The following CLEC20A variants were observed in gnomAD, a reference collection of about 807,000 sequenced individuals.
CLEC20A encodes C-type lectin domain containing 20A, also known as putative C-type lectin domain family 20 member A.
chr1:178,479,311 T>C (rs1247018751), exon 8 of CLEC20A: 5 of 347,644 alleles, frequency 1.4e-5, no homozygotes, highest in Non-Finnish European at 2.1e-5. Context: ...CCAACATGAT[T>C]GTTCCCAAAT....
chr1:178,486,712 G>A (rs959705166), intron 5 of CLEC20A: 17 of 398,526 alleles, frequency 4.3e-5, no homozygotes, highest in Admixed American at 2.2e-4. Flanking sequence ...CAGAAGAGTC[G>A]CAGTTACTTC....
chr1:178,495,483 T>A (rs183090399), intron 1 of CLEC20A, among the ~76,000 whole-genome samples: 15 of 152,296 alleles, frequency 9.8e-5, no homozygotes, highest in East Asian at 9.7e-4. Context: ...AAAGCAAAGA[T>A]CTGCTGCTGG....
upstream of CLEC20A, among the ~76,000 whole-genome samples, chr1:178,498,175 T>C (rs910069566): frequency 2.0e-5 from 3 of 151,980 alleles, no homozygotes; most frequent in Non-Finnish European, 4.4e-5. Flanking sequence ...TTAGGTTGAA[T>C]ACTAAAAGCT....
At chr1:178,493,604 A>G (rs1481178098) in intron 2 of CLEC20A, 1 of 152,330 alleles carries the variant, frequency 6.6e-6, no homozygotes, top group Non-Finnish European at 1.5e-5. Context: ...GCTGTTCTCC[A>G]ACAGCTGGAG....
rs1649200989 is a variant in CLEC20A, at chr1:178,488,487, C to T, written c.928+14G>A. 2.5e-6 allele frequency: 1 copy of T among 398,692 alleles called. No homozygotes were observed. 24.7% of individuals were successfully genotyped at this position (398,692 alleles called of 1,614,324 possible). A position where few individuals can be genotyped will look rare whatever the true frequency, so the allele number is the denominator to read the frequency against. On this transcript the variant is annotated intron_variant, in intron 5 of 7. Coordinates refer to ENST00000623247, the Ensembl canonical transcript of CLEC20A. ...CTGAAGACCCAGATCCAGCCAAGGG[C>T]AGGCTCAAAGCACCTCTGCCTGGCC...
intron 3 of CLEC20A, among the ~76,000 whole-genome samples, chr1:178,491,208 C>G (rs1649258518): frequency 6.6e-6 from 1 of 152,194 alleles, no homozygotes; most frequent in African/African-American, 2.4e-5. Context: ...CGGTGCAGCT[C>G]ATAAGCCCAC....
At chr1:178,489,780 C>A (rs1361138385) in intron 4 of CLEC20A, among the ~76,000 whole-genome samples, 2 of 152,252 alleles carry the variant, frequency 1.3e-5, no homozygotes, top group East Asian at 1.9e-4. Context: ...AAAGCCCAGA[C>A]TCTTAACTTC....
At chr1:178,479,535 C>G (rs962310935) in exon 8 of CLEC20A, 4 of 398,338 alleles carry the variant, frequency 1.0e-5, no homozygotes, top group African/African-American at 8.2e-5. Flanking sequence ...AAGAATTGTG[C>G]TATTTTTTGT....
chr1:178,482,087 A>AAG, intron 7 of CLEC20A: 1 of 368,198 alleles, frequency 2.7e-6, no homozygotes, highest in Non-Finnish European at 4.7e-6. Context: ...AAAAACAAAA[A>AAG]AACAACAAAA....
intron 4 of CLEC20A, among the ~76,000 whole-genome samples, chr1:178,489,763 T>C (rs150435182): frequency 6.6e-6 from 1 of 152,376 alleles, no homozygotes; most frequent in East Asian, 1.9e-4. Context: ...CTGTAAAGTC[T>C]GATTCCAAAG....
At chr1:178,482,082 C>CAAAAAAAAAAAAAAAAAAA (rs1297176109) in intron 7 of CLEC20A, 5 of 354,158 alleles carry the variant, frequency 1.4e-5, no homozygotes, top group African/African-American at 1.0e-4. Flanking sequence ...AACAAAAAAA[C>CAAAAAAAAAAAAAAAAAAA]AAAAAAACAA....
intron 5 of CLEC20A, chr1:178,486,779 C>G (rs1268629288): frequency 5.0e-6 from 2 of 398,408 alleles, no homozygotes; most frequent in African/African-American, 2.1e-5. Flanking sequence ...GGCTGGGACG[C>G]CGAGGGCGCA....
chr1:178,483,680 C>T (rs969724126), intron 5 of CLEC20A: 4 of 154,110 alleles, frequency 2.6e-5, no homozygotes, highest in African/African-American at 9.6e-5. Flanking sequence ...ATATCGCCAT[C>T]TCCATCCCAA....
intron 5 of CLEC20A, among the ~76,000 whole-genome samples, chr1:178,488,066 C>A (rs758789350): frequency 6.6e-6 from 1 of 152,226 alleles, no homozygotes; most frequent in Non-Finnish European, 1.5e-5. Context: ...GAGGAGCCTG[C>A]AATTCCGAGG....
chr1:178,487,395 G>GC lies in CLEC20A; in HGVS notation c.928+1105dup, dbSNP rs202149034. ...GAGGTCCCTTAGTGACTCACAGGGG[G>GC]CCCGGCCGGCAGGATCTGGGCTCCC... On this transcript the variant is annotated intron_variant, in intron 5 of 7. Transcript: ENST00000623247. Among the ~76,000 whole-genome samples, 1,130 of 152,230 alleles carry GC rather than the reference G, an allele frequency of 7.4e-3. 17 individuals carry two copies. The highest frequency in any genetic ancestry group is 0.026 in the African/African-American group (1,068 of 41,530).
chr1:178,482,539 A>C (rs113331557), intron 6 of CLEC20A, 142 bp from the exon 7 acceptor site: 3 of 396,156 alleles, frequency 7.6e-6, no homozygotes, highest in Admixed American at 4.4e-5. Flanking sequence ...ACTGCTGAGC[A>C]GAAGAATGCT....
intron 1 of CLEC20A, among the ~76,000 whole-genome samples, chr1:178,495,373 ATGGCAGGGCAC>A (rs1451410955): frequency 6.6e-6 from 1 of 152,228 alleles, no homozygotes; most frequent in Non-Finnish European, 1.5e-5. Flanking sequence ...GCCCATATCC[ATGGCAGGGCAC>A]TGCCCCTCCA....
chr1:178,482,087 AAACAAC>A (rs1475543020), intron 7 of CLEC20A: 3 of 368,100 alleles, frequency 8.1e-6, no homozygotes, highest in African/African-American at 7.4e-5. Flanking sequence ...AAAAACAAAA[AAACAAC>A]AAAAAAAAAA....
At chr1:178,486,025 G>A (rs375856555) in intron 5 of CLEC20A, among the ~76,000 whole-genome samples, 3 of 152,140 alleles carry the variant, frequency 2.0e-5, no homozygotes, top group Non-Finnish European at 4.4e-5. Flanking sequence ...AGAAAAATAA[G>A]GTTCAGAGAA....
Sources: gnomAD v4.1 joint callset for allele counts (sites outside exome capture counted in the v4.1 genomes callset) on GRCh38, gnomAD v4.1.1 for gene constraint, MANE v1.5 for transcripts, NCBI Gene and HGNC (gene_info 2026-07-23, HGNC 2026-07-21) for gene names.